MOB1B: variants seen among roughly 807,000 people sequenced by gnomAD.
The protein encoded by MOB1B is MOB1 Mps One Binder homolog B.
MOB1B carries 19 observed loss-of-function variants against 24.4 expected under a neutral mutation model. The observed-to-expected ratio is 0.78, with a 90% CI of 0.54 to 1.14. MOB1B has a LOEUF of 1.14. Among genes scored for constraint, MOB1B ranks in the 50% most tolerant of loss-of-function variants. MOB1B has a pLI of 0.00. For missense variants in MOB1B, 243 were observed against 259.6 expected (o/e 0.94, Z 0.44); for synonymous variants, 76 against 82.1 (o/e 0.93, Z 0.40).
intron 1 of MOB1B, among the ~76,000 whole-genome samples, chr4:70,924,376 G>C (rs191320266): frequency 6.6e-6 from 1 of 152,284 alleles, no homozygotes; most frequent in East Asian, 1.9e-4. Flanking sequence ...CTGCTGCAGT[G>C]ACTTTGACTC....
At chr4:70,979,767 T>G (rs1385617946) in intron 5 of MOB1B, among the ~76,000 whole-genome samples, 2 of 152,196 alleles carry the variant, frequency 1.3e-5, no homozygotes, top group Non-Finnish European at 2.9e-5. Flanking sequence ...CCATCATGTC[T>G]GAGGGAAAAA....
At chr4:70,916,321 T>G (rs1736191068) in intron 1 of MOB1B, among the ~76,000 whole-genome samples, 1 of 152,246 alleles carries the variant, frequency 6.6e-6, no homozygotes, top group Non-Finnish European at 1.5e-5. Flanking sequence ...TTCTTTCAGC[T>G]CTTGTCATTT....
rs930455178 is a variant in MOB1B at position 70,979,381 on chromosome 4, G to C, written c.573+90G>C. 5.9e-6 allele frequency: 6 copies of C among 1,019,322 alleles called. No homozygotes were observed. The African/African-American group carries it at 8.0e-5, about 14-fold the overall frequency. 63.1% of individuals were successfully genotyped at this position (1,019,322 alleles called of 1,614,324 possible). On this transcript the variant is annotated intron_variant, in intron 5 of 5. Transcript: ENST00000309395. ...ATACTGTATTCACACTGTCAGGATG[G>C]AATTTGCCATATCTCTGTAGTCTGC...
intron 4 of MOB1B, chr4:70,975,751 G>A: frequency 1.0e-6 from 1 of 976,512 alleles, no homozygotes; most frequent in Non-Finnish European, 1.2e-6. Flanking sequence ...TAGATGGAGG[G>A]TTATTCCTAT....
chr4:70,963,281 G>T (rs1274603701), intron 2 of MOB1B, among the ~76,000 whole-genome samples: 1 of 152,022 alleles, frequency 6.6e-6, no homozygotes, highest in Non-Finnish European at 1.5e-5. Flanking sequence ...GAATACTTGA[G>T]CCCAGGAGTT....
chr4:70,928,048 G>T (rs1298622407), intron 1 of MOB1B, among the ~76,000 whole-genome samples: 1 of 151,590 alleles, frequency 6.6e-6, no homozygotes, highest in Non-Finnish European at 1.5e-5. Context: ...CATTTCTTTA[G>T]CTCAGGAGCC....
chr4:70,918,538 T>G (rs1371645637), intron 1 of MOB1B, among the ~76,000 whole-genome samples: 56 of 151,876 alleles, frequency 3.7e-4, no homozygotes, highest in Non-Finnish European at 6.6e-4. Context: ...GATGGGGTTG[T>G]TTGTTTTTTT....
At chr4:70,966,613 A>G (rs1487339975) in intron 2 of MOB1B, among the ~76,000 whole-genome samples, 1 of 151,810 alleles carries the variant, frequency 6.6e-6, no homozygotes, top group African/African-American at 2.4e-5. Flanking sequence ...ACCTCAGGTG[A>G]TCCACCTGCG....
At chr4:70,905,345 C>G (rs1172973660) in intron 1 of MOB1B, among the ~76,000 whole-genome samples, 1 of 151,602 alleles carries the variant, frequency 6.6e-6, no homozygotes, top group African/African-American at 2.4e-5. Context: ...CTCAGGTGAT[C>G]CTTTCATCTC....
At position 70,948,979 on chromosome 4, in the gene MOB1B, C is replaced by T. The variant is rs554126592; in HGVS notation, c.15-9895C>T. ...TATTGGGATTCACTTGTGCAAAGAT[C>T]CTGGGTCAAGTTCGCCTATAATCTT... On this transcript the variant is annotated intron_variant, in intron 1 of 5. Transcript: ENST00000309395. 1.6e-4 allele frequency among the ~76,000 whole-genome samples: 24 copies of T among 152,248 alleles called. No individual in the cohort carries two copies. In the East Asian group the frequency reaches 4.6e-3, roughly 29 times the overall value.
intron 1 of MOB1B, among the ~76,000 whole-genome samples, chr4:70,949,327 T>G (rs78139077): frequency 0.023 from 3,433 of 152,350 alleles, 134 homozygotes; most frequent in African/African-American, 0.078. Context: ...TAAGTAGATA[T>G]GTCTGTTCAG....
In MOB1B at chr4:70,976,646, C is replaced by T. The variant is rs542340538; in HGVS notation, c.409+1360C>T. 3 of 971,152 alleles carry T rather than the reference C, an allele frequency of 3.1e-6. No homozygotes were observed. The African/African-American group carries it at 5.3e-5, about 17-fold the overall frequency. 60.2% of individuals were successfully genotyped at this position (971,152 alleles called of 1,614,324 possible). ...GATTTTTTTTGAAAAAAAAATGTGA[C>T]AACAATATAAATAGTTGTTGTTATG... On this transcript the variant is annotated intron_variant, in intron 4 of 5. Coordinates refer to ENST00000309395, the MANE Select transcript of MOB1B (RefSeq NM_173468.4).
In MOB1B at chr4:70,987,519, C is replaced by T. The variant is rs1359049410; in HGVS notation, c.*5462C>T. On this transcript the variant is annotated 3_prime_UTR_variant, in exon 6 of 6. Coordinates refer to ENST00000309395, the MANE Select transcript of MOB1B (RefSeq NM_173468.4). ...AAAGTAGTTTTTTTGGAGCTACTAACTTGTATTTATTATTGTACATGCATA... is the reference window on the plus strand; with the variant it reads ...AAAGTAGTTTTTTTGGAGCTACTAATTTGTATTTATTATTGTACATGCATA... 1 of 152,020 alleles carries T rather than the reference C, an allele frequency of 6.6e-6. No homozygotes were observed. Among genetic ancestry groups the T allele is most frequent in the East Asian group, 1.9e-4 (1 of 5,198 alleles). 9.4% of individuals were successfully genotyped at this position (152,020 alleles called of 1,614,324 possible). A position where few individuals can be genotyped will look rare whatever the true frequency, so the allele number is the denominator to read the frequency against.
chr4:70,902,657 C>A (rs1735562472), intron 1 of MOB1B, 107 bp downstream of exon 1: 2 of 1,091,934 alleles, frequency 1.8e-6, no homozygotes, highest in Non-Finnish European at 2.4e-6. Flanking sequence ...CCTGGCCCAG[C>A]GCTCCCGGGG....
In MOB1B at chr4:70,982,256, C is replaced by T. The variant is rs1739239828; in HGVS notation, c.*199C>T. The T allele has an allele frequency of 2.3e-6, 1 of 440,458 alleles. No homozygotes were observed. The highest frequency in any genetic ancestry group is 4.0e-6 in the Non-Finnish European group (1 of 247,072). 27.3% of individuals were successfully genotyped at this position (440,458 alleles called of 1,614,324 possible). On this transcript the variant is annotated 3_prime_UTR_variant, in exon 6 of 6. Coordinates refer to ENST00000309395, the MANE Select transcript of MOB1B (RefSeq NM_173468.4). ...GGGAAGCCAAGAACCATTCTCTATA[C>T]ACTTGATAAGGGTAAATTTATCTTA...
In MOB1B at chr4:70,985,391, AT is replaced by A. The variant is rs1293956711; in HGVS notation, c.*3335del. 2 of 152,184 alleles carry A rather than the reference AT, an allele frequency of 1.3e-5. No homozygotes were observed. Among genetic ancestry groups the A allele is most frequent in the Non-Finnish European group, 2.9e-5 (2 of 68,032 alleles). 9.4% of individuals were successfully genotyped at this position (152,184 alleles called of 1,614,324 possible). On this transcript the variant is annotated 3_prime_UTR_variant, in exon 6 of 6. Coordinates refer to ENST00000309395, the MANE Select transcript of MOB1B (RefSeq NM_173468.4). ...ATTCCAGCTATACTGCAAAAGTATA[AT>A]GTTTTTGGAACTGTTCTAGAGCATA... is the stretch of plus-strand genomic sequence containing the variant.
At chr4:70,919,974 G>A (rs896128056) in intron 1 of MOB1B, among the ~76,000 whole-genome samples, 3 of 152,058 alleles carry the variant, frequency 2.0e-5, no homozygotes, top group Non-Finnish European at 4.4e-5. Context: ...ATTTTCAAAA[G>A]CCAAAGAAAC....
chr4:70,906,170 G>T (rs759229388), intron 1 of MOB1B, among the ~76,000 whole-genome samples: 4 of 152,266 alleles, frequency 2.6e-5, no homozygotes, highest in Non-Finnish European at 5.9e-5. Context: ...TTGAAGTCAG[G>T]AGTTTGAGAC....
chr4:70,968,398 G>A (rs762786031), intron 2 of MOB1B, among the ~76,000 whole-genome samples: 5 of 152,042 alleles, frequency 3.3e-5, no homozygotes, highest in Admixed American at 1.3e-4. Flanking sequence ...TGCAACCTCC[G>A]CCTCCCAGGT....
Sources: allele counts gnomAD v4.1 joint callset (sites outside exome capture counted in the v4.1 genomes callset), GRCh38; gene constraint gnomAD v4.1.1; transcripts MANE v1.5; gene names NCBI Gene and HGNC (gene_info 2026-07-23, HGNC 2026-07-21).